PTPRD: variants seen among roughly 807,000 people sequenced by gnomAD.
The protein encoded by PTPRD is protein tyrosine phosphatase receptor type D.
In PTPRD, 34 loss-of-function variants were observed where a neutral mutation model predicts 214.5. The observed-to-expected ratio is 0.16, with a 90% confidence interval of 0.12 to 0.21. The LOEUF is 0.21. Ranked by LOEUF, PTPRD falls within the 10% of genes least tolerant of loss-of-function variation. PTPRD has a pLI of 1.00. For synonymous variants in PTPRD, 1,128 were observed against 845.7 expected (o/e 1.33, Z -5.79); for missense variants, 2,545 against 2,398.7 (o/e 1.06, Z -1.27).
chr9:8,857,289 G>C (rs2154544580), intron 11 of PTPRD, among the ~76,000 whole-genome samples: 1 of 152,294 alleles, frequency 6.6e-6, no homozygotes, highest in East Asian at 1.9e-4. Flanking sequence ...GGTAAGGGTG[G>C]ATTGCCCCAC....
At chr9:8,847,643 TCAAA>T (rs1203080043) in intron 11 of PTPRD, among the ~76,000 whole-genome samples, 17 of 152,086 alleles carry the variant, frequency 1.1e-4, no homozygotes, top group East Asian at 5.8e-4. Flanking sequence ...TTCCAAATCA[TCAAA>T]CAAATATAAG....
chr9:10,185,841 A>G (rs1440723946), intron 3 of PTPRD, among the ~76,000 whole-genome samples: 1 of 152,060 alleles, frequency 6.6e-6, no homozygotes, highest in Non-Finnish European at 1.5e-5. Context: ...TCATAATATG[A>G]TGCAGGAGTA....
intron 5 of PTPRD, among the ~76,000 whole-genome samples, chr9:9,769,589 G>A (rs2098735513): frequency 1.3e-5 from 2 of 151,834 alleles, no homozygotes; most frequent in East Asian, 2.0e-4. Context: ...GCCTCCCAAA[G>A]TGCTGGGATT....
intron 12 of PTPRD, among the ~76,000 whole-genome samples, chr9:8,702,810 T>C (rs1330757579): frequency 6.6e-6 from 1 of 152,184 alleles, no homozygotes; most frequent in East Asian, 1.9e-4. Flanking sequence ...GGTTTCACCA[T>C]GTTGGCCAGG....
chr9:8,763,032 G>C (rs566692469), intron 11 of PTPRD, among the ~76,000 whole-genome samples: 34 of 152,296 alleles, frequency 2.2e-4, no homozygotes, highest in Non-Finnish European at 4.1e-4. Context: ...CATTCAGGTA[G>C]GCTCAGGATC....
intron 12 of PTPRD, among the ~76,000 whole-genome samples, chr9:8,717,060 G>C (rs1293847664): frequency 6.6e-6 from 1 of 152,090 alleles, no homozygotes; most frequent in Admixed American, 6.6e-5. Flanking sequence ...CCCAGCTACT[G>C]GGGAGGCTGA....
intron 2 of PTPRD, among the ~76,000 whole-genome samples, chr9:10,504,757 T>C (rs1359042320): frequency 6.6e-6 from 1 of 152,190 alleles, no homozygotes; most frequent in Non-Finnish European, 1.5e-5. Flanking sequence ...AATTACGTAC[T>C]AAAATCTGTG....
chr9:8,807,996 G>A (rs1161787639), intron 11 of PTPRD, among the ~76,000 whole-genome samples: 1 of 152,078 alleles, frequency 6.6e-6, no homozygotes, highest in Non-Finnish European at 1.5e-5. Flanking sequence ...TTCAAACACT[G>A]CTTGGGGACA....
At chr9:10,285,342 T>C (rs1596155274) in intron 3 of PTPRD, among the ~76,000 whole-genome samples, 1 of 152,190 alleles carries the variant, frequency 6.6e-6, no homozygotes, top group South Asian at 2.1e-4. Context: ...TTCTTTTATG[T>C]TATGAACTTT....
chr9:8,550,571 G>T (rs1287769723), intron 14 of PTPRD, among the ~76,000 whole-genome samples: 2 of 152,138 alleles, frequency 1.3e-5, no homozygotes, highest in Non-Finnish European at 2.9e-5. Flanking sequence ...ATGTGCTTAT[G>T]TGCACACACA....
chr9:9,634,462 G>C (rs2095690491), intron 7 of PTPRD, among the ~76,000 whole-genome samples: 1 of 152,114 alleles, frequency 6.6e-6, no homozygotes, highest in Non-Finnish European at 1.5e-5. Context: ...TACAATCCAT[G>C]AGACTGTGTG....
intron 2 of PTPRD, among the ~76,000 whole-genome samples, chr9:10,471,155 G>C (rs2099028520): frequency 1.9e-5 from 1 of 53,824 alleles, no homozygotes; most frequent in Non-Finnish European, 4.0e-5. Flanking sequence ...TGGGTTGGGG[G>C]CTAGGGGAAG....
chr9:9,533,818 G>A (rs1169790623), intron 8 of PTPRD, among the ~76,000 whole-genome samples: 1 of 151,884 alleles, frequency 6.6e-6, no homozygotes, highest in Non-Finnish European at 1.5e-5. Flanking sequence ...ACAAGAGAGT[G>A]GAATAGAAGG....
chr9:9,587,545 G>C (rs16929836), intron 7 of PTPRD, among the ~76,000 whole-genome samples: 4,434 of 141,332 alleles, frequency 0.031, 107 homozygotes, highest in African/African-American at 0.068. Flanking sequence ...GCCCAAAAAA[G>C]ACCAGTTTGC....
chr9:8,341,570 C>G, intron 40 of PTPRD, 123 bp downstream of exon 40: 1 of 1,158,246 alleles, frequency 8.6e-7, no homozygotes, highest in Admixed American at 2.2e-5. Context: ...AATCATACAC[C>G]TGAGGGAAAG....
rs569351112 is a variant in PTPRD at position 8,891,219 on chromosome 9, C to T, written c.-104+127478G>A. 1.1e-4 allele frequency among the ~76,000 whole-genome samples: 17 copies of T among 149,516 alleles called. No individual in the cohort carries two copies. The South Asian group carries it at 2.5e-3, about 22-fold the overall frequency. ...TGCGATCTCCACTCACTGCAAGCTCCGCCTCCCGGGTTCAGGCCATCCTCC... is the reference window on the plus strand; with the variant it reads ...TGCGATCTCCACTCACTGCAAGCTCTGCCTCCCGGGTTCAGGCCATCCTCC... On this transcript the variant is annotated intron_variant, in intron 11 of 45. Transcript: ENST00000381196.
intron 34 of PTPRD, among the ~76,000 whole-genome samples, chr9:8,441,684 G>C (rs2095551588): frequency 6.6e-6 from 1 of 152,094 alleles, no homozygotes; most frequent in Non-Finnish European, 1.5e-5. Context: ...ATATAAAGAA[G>C]TATGCTTCTT....
chr9:10,482,860 C>A (rs2099109529), intron 2 of PTPRD, among the ~76,000 whole-genome samples: 1 of 152,112 alleles, frequency 6.6e-6, no homozygotes, highest in African/African-American at 2.4e-5. Context: ...GACCACACTT[C>A]CAAAAGCAAT....
At chr9:9,333,527 A>ATATATATATATATATATATATATATAT (rs1569567453) in intron 9 of PTPRD, among the ~76,000 whole-genome samples, 15 of 124,058 alleles carry the variant, frequency 1.2e-4, no homozygotes, top group African/African-American at 7.2e-4. Context: ...TATATATATA[A>ATATATATATATATATATATATATATAT]AGTCTGCAAT....
Sources: allele counts gnomAD v4.1 joint callset (sites outside exome capture counted in the v4.1 genomes callset), GRCh38; gene constraint gnomAD v4.1.1; transcripts MANE v1.5; gene names NCBI Gene and HGNC (gene_info 2026-07-23, HGNC 2026-07-21).